DLGAP4: variants seen among roughly 807,000 people sequenced by gnomAD.
DLGAP4 encodes disks large-associated protein 4.
Under a neutral mutation model 86.9 loss-of-function variants are expected in DLGAP4, and 18 were observed. That is an observed-to-expected ratio of 0.21 (90% CI 0.14 to 0.31). The LOEUF (loss-of-function observed/expected upper bound fraction) is 0.31, where lower values mean the gene tolerates loss of function less well. DLGAP4 is among the 10% of genes least tolerant of loss of function. DLGAP4 has a pLI of 1.00. For synonymous variants in DLGAP4, 548 were observed against 574.3 expected (o/e 0.95, Z 0.65); for missense variants, 1,085 against 1,362.6 (o/e 0.80, Z 3.21).
chr20:36,331,836 G>A (rs1465112502), intron 1 of DLGAP4, among the ~76,000 whole-genome samples: 1 of 152,174 alleles, frequency 6.6e-6, no homozygotes, highest in Non-Finnish European at 1.5e-5. Flanking sequence ...CTCTGGGGAG[G>A]TGACATTTGA....
At chr20:36,499,350 T>TACCCCCCCCCCC in intron 8 of DLGAP4, 7 of 1,544,984 alleles carry the variant, frequency 4.5e-6, no homozygotes, top group Non-Finnish European at 5.3e-6. Context: ...CTCCACCCCA[T>TACCCCCCCCCCC]CCCACCTCCC....
At chr20:36,484,288 G>C (rs1423535916) in intron 7 of DLGAP4, among the ~76,000 whole-genome samples, 1 of 152,222 alleles carries the variant, frequency 6.6e-6, no homozygotes, top group African/African-American at 2.4e-5. Flanking sequence ...CCAGCAGACA[G>C]CTTCCCACCC....
At chr20:36,486,466 T>C (rs1478940827) in intron 7 of DLGAP4, among the ~76,000 whole-genome samples, 3 of 145,968 alleles carry the variant, frequency 2.1e-5, no homozygotes, top group Non-Finnish European at 4.5e-5. Context: ...GCATGGCAGG[T>C]CCAAAGGCCC....
At chr20:36,341,118 T>A (rs1325890601) in intron 1 of DLGAP4, among the ~76,000 whole-genome samples, 1 of 152,220 alleles carries the variant, frequency 6.6e-6, no homozygotes, top group Non-Finnish European at 1.5e-5. Context: ...CAATCCTCCC[T>A]GTCTGCACAG....
chr20:36,396,761 G>T (rs557418179), intron 2 of DLGAP4, among the ~76,000 whole-genome samples: 1 of 152,130 alleles, frequency 6.6e-6, no homozygotes, highest in South Asian at 2.1e-4. Flanking sequence ...CCTGAAGGCA[G>T]CCCTACTTAG....
intron 1 of DLGAP4, among the ~76,000 whole-genome samples, chr20:36,359,551 T>C (rs1400007654): frequency 1.3e-5 from 2 of 152,190 alleles, no homozygotes; most frequent in Non-Finnish European, 2.9e-5. Flanking sequence ...GAATCCCTGC[T>C]CAGCCATTTG....
intron 7 of DLGAP4, chr20:36,461,341 T>G (rs2034033730): frequency 1.8e-5 from 10 of 555,968 alleles, no homozygotes; most frequent in South Asian, 7.7e-5. Flanking sequence ...CCGGGCCACA[T>G]GCCAAGCGGG....
intron 6 of DLGAP4, 87 bp downstream of exon 6, chr20:36,442,864 G>T: frequency 6.4e-7 from 1 of 1,556,628 alleles, no homozygotes; most frequent in Non-Finnish European, 8.9e-7. Flanking sequence ...CCCAGCACCC[G>T]GCCCAGGCTG....
intron 2 of DLGAP4, among the ~76,000 whole-genome samples, chr20:36,416,485 A>C (rs1056423949): frequency 6.6e-6 from 1 of 152,222 alleles, no homozygotes; most frequent in African/African-American, 2.4e-5. Flanking sequence ...CAGTTGGTGG[A>C]ACCCGGGCGA....
chr20:36,514,839 A>T (rs1190220231), intron 10 of DLGAP4, among the ~76,000 whole-genome samples: 3 of 152,134 alleles, frequency 2.0e-5, no homozygotes, highest in Non-Finnish European at 4.4e-5. Context: ...TCCTTAGGTG[A>T]GAAGGAATCG....
chr20:36,443,946 C>T (rs2033520946), intron 6 of DLGAP4, among the ~76,000 whole-genome samples: 1 of 152,148 alleles, frequency 6.6e-6, no homozygotes, highest in Non-Finnish European at 1.5e-5. Flanking sequence ...AACTGAGGCA[C>T]AAAGCAATTA....
intron 7 of DLGAP4, among the ~76,000 whole-genome samples, chr20:36,485,520 G>A (rs994821633): frequency 2.0e-5 from 3 of 152,132 alleles, no homozygotes; most frequent in African/African-American, 7.2e-5. Context: ...CCCCCGTTCA[G>A]GGACAACCCA....
At chr20:36,404,741 T>TGTTG (rs1245523100) in intron 2 of DLGAP4, among the ~76,000 whole-genome samples, 1 of 145,906 alleles carries the variant, frequency 6.9e-6, no homozygotes, top group East Asian at 2.0e-4. Context: ...TACAAATATT[T>TGTTG]GTTGGTTGGA....
rs1030367807 is a variant in DLGAP4, at chr20:36,440,745, G to A, written c.1356+877G>A. ...AGGGAGAACCAGGCAGGACTAAAAG[G>A]CACCCCCCATCGTGTGGATGGGGAG... is the stretch of plus-strand genomic sequence containing the variant. On this transcript the variant is annotated intron_variant, in intron 5 of 12. Coordinates refer to ENST00000339266, the MANE Select transcript of DLGAP4 (RefSeq NM_001365621.2). 1.3e-4 allele frequency among the ~76,000 whole-genome samples: 20 copies of A among 151,972 alleles called. 1 individual carries two copies. The highest frequency in any genetic ancestry group is 4.8e-4 in the African/African-American group (20 of 41,426).
chr20:36,430,180 G>A (rs1340245834), intron 2 of DLGAP4, among the ~76,000 whole-genome samples: 1 of 152,210 alleles, frequency 6.6e-6, no homozygotes, highest in Non-Finnish European at 1.5e-5. Context: ...TTACAACAGG[G>A]GAAACTGAGG....
At chr20:36,360,048 T>G (rs1388791233) in intron 1 of DLGAP4, among the ~76,000 whole-genome samples, 1 of 152,210 alleles carries the variant, frequency 6.6e-6, no homozygotes, top group African/African-American at 2.4e-5. Flanking sequence ...ATAATACGAA[T>G]ACAAGGAGTC....
intron 1 of DLGAP4, among the ~76,000 whole-genome samples, chr20:36,363,776 A>C (rs2030597205): frequency 6.6e-6 from 1 of 152,170 alleles, no homozygotes; most frequent in African/African-American, 2.4e-5. Context: ...CCGTATGTGC[A>C]TCCTAGGGTT....
intron 1 of DLGAP4, among the ~76,000 whole-genome samples, chr20:36,333,782 C>T (rs1555891814): frequency 6.6e-6 from 1 of 151,204 alleles, no homozygotes; most frequent in Non-Finnish European, 1.5e-5. Flanking sequence ...ATCTTGGGTA[C>T]CCAGCTTCGG....
intron 7 of DLGAP4, among the ~76,000 whole-genome samples, chr20:36,470,644 G>A (rs1285029673): frequency 6.6e-6 from 1 of 151,200 alleles, no homozygotes; most frequent in African/African-American, 2.4e-5. Context: ...ACTGTGACGA[G>A]TCTTGAGGTT....
Sources: gnomAD v4.1 joint callset for allele counts (sites outside exome capture counted in the v4.1 genomes callset) on GRCh38, gnomAD v4.1.1 for gene constraint, MANE v1.5 for transcripts, NCBI Gene and HGNC (gene_info 2026-07-23, HGNC 2026-07-21) for gene names.